Variants in ZNF536 observed in about 807,000 individuals in gnomAD.
The protein encoded by ZNF536 is zinc finger protein 536.
ZNF536 carries 13 observed loss-of-function variants against 84.5 expected under a neutral mutation model. The observed-to-expected ratio is 0.15, with a 90% CI of 0.10 to 0.24. ZNF536 has a LOEUF of 0.24. Ranked by LOEUF, ZNF536 falls within the 10% of genes least tolerant of loss-of-function variation. The pLI is 1.00. For missense variants in ZNF536, 1,536 were observed against 1,747.5 expected (o/e 0.88, Z 2.16); for synonymous variants, 811 against 742.5 (o/e 1.09, Z -1.50).
chr19:30,436,544 T>G (rs1026815419), intron 1 of ZNF536: 4 of 983,604 alleles, frequency 4.1e-6, no homozygotes, highest in Non-Finnish European at 4.8e-6. Context: ...CTCTGGTTTA[T>G]TTTTGTAATA....
intron 1 of ZNF536, among the ~76,000 whole-genome samples, chr19:30,677,994 G>C (rs928517163): frequency 6.6e-6 from 1 of 152,216 alleles, no homozygotes; most frequent in African/African-American, 2.4e-5. Flanking sequence ...GCAGGGTTTA[G>C]AGACTTCTTC....
chr19:30,265,485 C>T, intron 1 of ZNF536, among the ~76,000 whole-genome samples: 1 of 152,148 alleles, frequency 6.6e-6, no homozygotes, highest in Admixed American at 6.5e-5. Context: ...GTGTGTCCTA[C>T]TGTGTGATGT....
chr19:30,670,939 G>A (rs1480492622), intron 1 of ZNF536, among the ~76,000 whole-genome samples: 1 of 152,132 alleles, frequency 6.6e-6, no homozygotes, highest in Non-Finnish European at 1.5e-5. Flanking sequence ...CTCTATCCAG[G>A]CTCCTCTCCC....
In ZNF536 at chr19:30,297,142, G is replaced by T. The variant is rs192882763; in HGVS notation, c.-120+13001G>T. The stretch of plus-strand genomic sequence containing the variant: ...TCAAAAGAGTCTTGAAGCTCAGTCC[G>T]ACTGCAGCCCAAGCATCTGCCCTTC... On this transcript the variant is annotated intron_variant, in intron 2 of 5. Coordinates refer to the ZNF536 transcript ENST00000585628. Among the ~76,000 whole-genome samples the T allele has an allele frequency of 9.9e-5, 15 of 152,244 alleles. No homozygotes were observed. The East Asian group carries it at 2.9e-3, about 29-fold the overall frequency.
In ZNF536 at chr19:30,534,831, T is replaced by A. The variant is rs2145930490; in HGVS notation, c.2171-16T>A. 6.2e-7 allele frequency: 1 copy of A among 1,602,756 alleles called. No homozygotes were observed. Among genetic ancestry groups the A allele is most frequent in the Non-Finnish European group, 8.5e-7 (1 of 1,173,462 alleles). ...ATGTGCTGAAGTGATGTGAGAACGT[T>A]TCTCCTTCGCTGCAGACATTGGCGA... On this transcript the variant is annotated splice_polypyrimidine_tract_variant and intron_variant, in intron 2 of 4. Transcript: ENST00000355537.
chr19:30,255,940 G>T (rs968740669), intron 1 of ZNF536, among the ~76,000 whole-genome samples: 3 of 152,214 alleles, frequency 2.0e-5, no homozygotes, highest in African/African-American at 7.2e-5. Context: ...GGGGTGATTA[G>T]CATGGAGAGG....
chr19:30,636,430 A>G (rs2049067549), intron 1 of ZNF536, among the ~76,000 whole-genome samples: 1 of 152,162 alleles, frequency 6.6e-6, no homozygotes, highest in African/African-American at 2.4e-5. Flanking sequence ...TGGATAAAAG[A>G]AAAATATTGC....
chr19:30,299,247 TTAAA>T (rs1401609243), intron 2 of ZNF536, among the ~76,000 whole-genome samples: 96 of 152,110 alleles, frequency 6.3e-4, no homozygotes, highest in African/African-American at 2.3e-3. Flanking sequence ...AACAGCTCAT[TTAAA>T]TAAGCAACAT....
At chr19:30,311,734 A>G (rs2046511339) in intron 2 of ZNF536, among the ~76,000 whole-genome samples, 1 of 152,018 alleles carries the variant, frequency 6.6e-6, no homozygotes, top group South Asian at 2.1e-4. Context: ...GGTGCTAGTT[A>G]TGTTTCCCTG....
chr19:30,526,364 A>G (rs181701602), intron 2 of ZNF536, among the ~76,000 whole-genome samples: 7 of 152,350 alleles, frequency 4.6e-5, no homozygotes, highest in Admixed American at 4.6e-4. Context: ...ATGGTGCCAG[A>G]GGGCAGAGAC....
chr19:30,454,297 G>A (rs757171099), intron 2 of ZNF536, among the ~76,000 whole-genome samples: 1 of 152,132 alleles, frequency 6.6e-6, no homozygotes, highest in East Asian at 1.9e-4. Flanking sequence ...AAACAGGATC[G>A]CGCCACAGTG....
intron 1 of ZNF536, among the ~76,000 whole-genome samples, chr19:30,664,441 A>G (rs561484933): frequency 2.0e-5 from 3 of 152,228 alleles, no homozygotes; most frequent in East Asian, 1.9e-4. Flanking sequence ...GGCGGGGTGG[A>G]TGGAGCCTGG....
intron 2 of ZNF536, among the ~76,000 whole-genome samples, chr19:30,320,331 A>G (rs1285092852): frequency 6.6e-6 from 1 of 152,240 alleles, no homozygotes; most frequent in Non-Finnish European, 1.5e-5. Flanking sequence ...AATTAATGGC[A>G]TGTCATTTTT....
intron 2 of ZNF536, among the ~76,000 whole-genome samples, chr19:30,339,762 G>A (rs2047504394): frequency 6.6e-6 from 1 of 152,172 alleles, no homozygotes; most frequent in Non-Finnish European, 1.5e-5. Context: ...TGGAGAGGGA[G>A]GTGGGGAGGC....
intron 1 of ZNF536, among the ~76,000 whole-genome samples, chr19:30,672,237 A>G (rs984884098): frequency 5.3e-5 from 8 of 152,210 alleles, no homozygotes; most frequent in African/African-American, 1.9e-4. Context: ...CATCCCCTGG[A>G]GGAGTCTGTG....
chr19:30,428,352 A>G (rs879781898), intron 1 of ZNF536, among the ~76,000 whole-genome samples: 3 of 152,232 alleles, frequency 2.0e-5, no homozygotes, highest in South Asian at 4.1e-4. Context: ...TCATCTTCCC[A>G]GGTACATTAG....
At chr19:30,617,510 C>G (rs1483427350) in intron 1 of ZNF536, among the ~76,000 whole-genome samples, 1 of 151,460 alleles carries the variant, frequency 6.6e-6, no homozygotes, top group Non-Finnish European at 1.5e-5. Context: ...GCCACCACGC[C>G]TGGCTAATTT....
At chr19:30,613,826 C>A (rs1327821388) in intron 1 of ZNF536, among the ~76,000 whole-genome samples, 1 of 147,720 alleles carries the variant, frequency 6.8e-6, no homozygotes, top group African/African-American at 2.5e-5. Context: ...TGAAACACAT[C>A]ATATTTGCAG....
chr19:30,685,228 G>A (rs961790553), intron 1 of ZNF536, among the ~76,000 whole-genome samples: 3 of 152,142 alleles, frequency 2.0e-5, no homozygotes, highest in Admixed American at 6.5e-5. Flanking sequence ...CTGAGGGTGC[G>A]ACTGCACCCC....
Sources: gnomAD v4.1 joint callset for allele counts (sites outside exome capture counted in the v4.1 genomes callset) on GRCh38, gnomAD v4.1.1 for gene constraint, MANE v1.5 for transcripts, NCBI Gene and HGNC (gene_info 2026-07-23, HGNC 2026-07-21) for gene names.